Variants in ADAMTS2 observed in about 807,000 individuals in gnomAD.
The protein encoded by ADAMTS2 is A disintegrin and metalloproteinase with thrombospondin motifs 2.
In ADAMTS2, 50 loss-of-function variants were observed where a neutral mutation model predicts 123.0. The ratio of observed to expected loss-of-function variants is 0.41; its 90% confidence interval spans 0.32 to 0.51. The LOEUF (loss-of-function observed/expected upper bound fraction) is 0.51. ADAMTS2 is among the 20% of genes least tolerant of loss of function. ADAMTS2 has a pLI of 0.35. For missense variants in ADAMTS2, 1,494 were observed against 1,705.2 expected (o/e 0.88, Z 2.18); for synonymous variants, 678 against 695.4 (o/e 0.98, Z 0.39).
intron 3 of ADAMTS2, among the ~76,000 whole-genome samples, chr5:179,258,734 G>A (rs997939195): frequency 6.6e-6 from 1 of 152,168 alleles, no homozygotes; most frequent in African/African-American, 2.4e-5. Context: ...TCTAGCGAGC[G>A]CCACCTCGAC....
At chr5:179,311,181 C>G (rs1216797213) in intron 2 of ADAMTS2, among the ~76,000 whole-genome samples, 2 of 152,204 alleles carry the variant, frequency 1.3e-5, no homozygotes, top group African/African-American at 4.8e-5. Flanking sequence ...CCCCCGCCCT[C>G]TGAACAGGAA....
rs918113988 is a variant in ADAMTS2, at chr5:179,169,685, C to T, written c.976-10806G>A. Among the ~76,000 whole-genome samples, 3 of 152,154 alleles carry T rather than the reference C, an allele frequency of 2.0e-5. No individual in the cohort carries two copies. The South Asian group carries it at 6.2e-4, about 32-fold the overall frequency. On this transcript the variant is annotated intron_variant, in intron 5 of 21. Coordinates refer to ENST00000251582, the MANE Select transcript of ADAMTS2 (RefSeq NM_014244.5). ...CCTCCCCAGACCTTCACTTCCTGGC[C>T]TTCCTGCACCATGGCTGGGCCACTC... is the stretch of plus-strand genomic sequence containing the variant.
chr5:179,283,955 A>ATTATTC (rs1301778235), intron 2 of ADAMTS2, among the ~76,000 whole-genome samples: 1 of 92,852 alleles, frequency 1.1e-5, no homozygotes, highest in Non-Finnish European at 2.2e-5. Context: ...GATTATTATT[A>ATTATTC]TTATTATTAT....
intron 4 of ADAMTS2, among the ~76,000 whole-genome samples, chr5:179,195,040 C>T (rs1275959900): frequency 1.3e-5 from 2 of 152,184 alleles, no homozygotes; most frequent in Non-Finnish European, 1.5e-5. Context: ...TTAGAGGCAA[C>T]TGCGGTGGCC....
chr5:179,121,677 G>A lies in ADAMTS2; in HGVS notation c.3162C>T (p.Ile1054=), dbSNP rs1407850029. Residue 1054 remains isoleucine (I), a synonymous_variant, in exon 21 of 22, where the codon ATC becomes ATT. Coordinates refer to ENST00000251582, the MANE Select transcript of ADAMTS2 (RefSeq NM_014244.5). The part of the protein sequence containing the change: ...WLSRPDPDSP[I]RKISSKGHCQ... ...GTCGGTTACTTGACGAGATCTTCCG[G>A]ATGGGCGAGTCGGGGTCCGGGCGGG... 2 of 1,600,264 alleles carry A rather than the reference G, an allele frequency of 1.2e-6. No homozygotes were observed. Among genetic ancestry groups the A allele is most frequent in the Non-Finnish European group, 1.7e-6 (2 of 1,173,354 alleles).
At chr5:179,326,201 C>CGTGTGTGT (rs60626964) in intron 2 of ADAMTS2, among the ~76,000 whole-genome samples, 3,299 of 148,676 alleles carry the variant, frequency 0.022, 50 homozygotes, top group South Asian at 0.061. Flanking sequence ...TTTGTGTGTG[C>CGTGTGTGT]GTGTGTGTGT....
intron 5 of ADAMTS2, among the ~76,000 whole-genome samples, chr5:179,177,289 C>T (rs1360132622): frequency 6.6e-6 from 1 of 152,168 alleles, no homozygotes; most frequent in Non-Finnish European, 1.5e-5. Context: ...AGAAGTTTCT[C>T]TTTATACATT....
chr5:179,343,936 A>T lies in ADAMTS2; in HGVS notation c.365T>A (p.Leu122Gln). ...GAGGCGGGCGTTGGGCCGCAGCCGC[A>T]GGTGCAGGTCTCGGCCAAAGACCGT... ...NVTVFGRDLH[L>Q]RLRPNARLVA... Residue 122 changes from leucine (L) to glutamine (Q), a missense_variant, in exon 2 of 22, where the codon CTG becomes CAG. By Grantham distance (113) the Leu-to-Gln change is moderately radical (BLOSUM62 -2). This residue lies in a region of ADAMTS2 where 237 missense variants were observed against 233.7 expected (regional missense o/e 1.01). Transcript: ENST00000251582. 1 of 1,610,458 alleles carries T rather than the reference A, an allele frequency of 6.2e-7. No homozygotes were observed. Among genetic ancestry groups the T allele is most frequent in the Non-Finnish European group, 8.5e-7 (1 of 1,179,176 alleles).
intron 21 of ADAMTS2, among the ~76,000 whole-genome samples, chr5:179,119,879 A>T (rs1213972901): frequency 6.6e-6 from 1 of 152,204 alleles, no homozygotes; most frequent in Non-Finnish European, 1.5e-5. Context: ...GGAGACCTCC[A>T]TATAGAACCT....
At chr5:179,302,019 C>T (rs1455814553) in intron 2 of ADAMTS2, among the ~76,000 whole-genome samples, 2 of 152,208 alleles carry the variant, frequency 1.3e-5, no homozygotes, top group African/African-American at 4.8e-5. Context: ...GGACTCCCTG[C>T]AGAGGAACTG....
intron 4 of ADAMTS2, among the ~76,000 whole-genome samples, chr5:179,183,779 C>T (rs548220970): frequency 6.6e-6 from 1 of 152,326 alleles, no homozygotes; most frequent in African/African-American, 2.4e-5. Context: ...GGACTCATCC[C>T]TACTGCCCCC....
intron 10 of ADAMTS2, among the ~76,000 whole-genome samples, chr5:179,147,373 G>T (rs1323586687): frequency 6.6e-6 from 1 of 152,180 alleles, no homozygotes; most frequent in African/African-American, 2.4e-5. Flanking sequence ...ACAGGTGTGA[G>T]CCATCACACC....
chr5:179,139,549 G>A (rs536614791), intron 11 of ADAMTS2, among the ~76,000 whole-genome samples: 23 of 152,164 alleles, frequency 1.5e-4, no homozygotes, highest in African/African-American at 3.1e-4. Context: ...GCATCGGGGG[G>A]GCTGAGAGAC....
At chr5:179,179,255 G>GTTT (rs36081300) in intron 5 of ADAMTS2, among the ~76,000 whole-genome samples, 2 of 144,770 alleles carry the variant, frequency 1.4e-5, no homozygotes, top group Non-Finnish European at 3.0e-5. Flanking sequence ...CCCCTAGTAG[G>GTTT]TTTTTTTTTT....
intron 5 of ADAMTS2, among the ~76,000 whole-genome samples, chr5:179,161,469 T>C (rs1170199355): frequency 6.6e-6 from 1 of 152,170 alleles, no homozygotes; most frequent in Non-Finnish European, 1.5e-5. Flanking sequence ...CTGCACGCTC[T>C]CACTCATACG....
chr5:179,297,692 G>A (rs375061984), intron 2 of ADAMTS2, among the ~76,000 whole-genome samples: 4 of 152,036 alleles, frequency 2.6e-5, no homozygotes, highest in Non-Finnish European at 4.4e-5. Flanking sequence ...TGCCCCCAAC[G>A]CCCTCCACTA....
intron 2 of ADAMTS2, among the ~76,000 whole-genome samples, chr5:179,281,546 T>C (rs1245185911): frequency 6.6e-6 from 1 of 152,262 alleles, no homozygotes; most frequent in Non-Finnish European, 1.5e-5. Flanking sequence ...TGTCAAATAA[T>C]ACCCCATCAC....
intron 5 of ADAMTS2, among the ~76,000 whole-genome samples, chr5:179,178,089 C>T (rs1228711558): frequency 6.6e-6 from 1 of 152,280 alleles, no homozygotes; most frequent in East Asian, 1.9e-4. Context: ...TTGGAAACTT[C>T]CAAAAGAGGA....
At position 179,228,981 on chromosome 5, in the gene ADAMTS2, C is replaced by T. The variant is rs921795479; in HGVS notation, c.689-21266G>A. Among the ~76,000 whole-genome samples, 10 of 152,196 alleles carry T rather than the reference C, an allele frequency of 6.6e-5. No homozygotes were observed. Among genetic ancestry groups the T allele is most frequent in the Admixed American group, 6.5e-4 (10 of 15,284 alleles). ...TGAGAGGTGACAGCCAGCACGTGAG[C>T]AAGTGCCCTGGGTTCTGGTCCCAGC... On this transcript the variant is annotated intron_variant, in intron 3 of 21. Coordinates refer to ENST00000251582, the MANE Select transcript of ADAMTS2 (RefSeq NM_014244.5). This position sits in a 1 kb window ranked among gnomAD's most constrained non-coding sequence, Gnocchi z 5.2.
Sources: gnomAD v4.1 joint callset for allele counts (sites outside exome capture counted in the v4.1 genomes callset) on GRCh38, gnomAD v4.1.1 for gene constraint, gnomAD v4.1.1 regional missense constraint, Gnocchi (gnomAD v3.1) non-coding constraint, MANE v1.5 for transcripts, NCBI Gene and HGNC (gene_info 2026-07-23, HGNC 2026-07-21) for gene names.